The following EIF2B3 variants were observed in gnomAD, a reference collection of about 807,000 sequenced individuals.
EIF2B3 encodes translation initiation factor eIF2B subunit gamma.
In EIF2B3, 20 loss-of-function variants were observed where a neutral mutation model predicts 54.1. That is an observed-to-expected ratio of 0.37 (90% confidence interval 0.26 to 0.54). The LOEUF (loss-of-function observed/expected upper bound fraction) is 0.54, where lower values mean the gene tolerates loss of function less well. Among genes scored for constraint, EIF2B3 ranks in the 20% least tolerant of loss-of-function variants. The pLI is 0.86. For missense variants in EIF2B3, 448 were observed against 547.8 expected (o/e 0.82, Z 1.82); for synonymous variants, 153 against 188.1 (o/e 0.81, Z 1.52).
intron 6 of EIF2B3, among the ~76,000 whole-genome samples, chr1:44,896,788 C>T (rs1162678164): frequency 3.3e-5 from 5 of 152,204 alleles, no homozygotes; most frequent in Non-Finnish European, 7.3e-5. Flanking sequence ...CAGACACAAT[C>T]TCTGGAAACT....
At chr1:44,922,551 C>A (rs970288033) in intron 5 of EIF2B3, among the ~76,000 whole-genome samples, 18 of 140,278 alleles carry the variant, frequency 1.3e-4, no homozygotes, top group African/African-American at 4.6e-4. Flanking sequence ...CACACCACTG[C>A]ACTCTAGCCT....
At chr1:44,879,237 A>G (rs1472664714) in intron 8 of EIF2B3, among the ~76,000 whole-genome samples, 2 of 151,944 alleles carry the variant, frequency 1.3e-5, no homozygotes, top group Non-Finnish European at 2.9e-5. Flanking sequence ...GGCCTGGCTT[A>G]TCTTTGAGGA....
chr1:44,953,538 A>C (rs1644191648), intron 3 of EIF2B3, among the ~76,000 whole-genome samples: 1 of 152,194 alleles, frequency 6.6e-6, no homozygotes, highest in South Asian at 2.1e-4. Flanking sequence ...GCACTTTGGG[A>C]AGCTAAGGTG....
intron 11 of EIF2B3, among the ~76,000 whole-genome samples, chr1:44,857,466 G>A (rs991082540): frequency 2.6e-5 from 4 of 152,006 alleles, no homozygotes; most frequent in Admixed American, 2.6e-4. Context: ...GGGAGGCGGA[G>A]GTTTCAGTGA....
intron 6 of EIF2B3, among the ~76,000 whole-genome samples, chr1:44,891,366 T>A (rs1402749870): frequency 6.6e-6 from 1 of 152,104 alleles, no homozygotes; most frequent in Non-Finnish European, 1.5e-5. Flanking sequence ...CTCCAAGTAA[T>A]CCTTCCTGCT....
At chr1:44,986,144 T>TC (rs1644574286) in intron 1 of EIF2B3, among the ~76,000 whole-genome samples, 3 of 149,624 alleles carry the variant, frequency 2.0e-5, no homozygotes, top group Non-Finnish European at 3.0e-5. Context: ...TTTTCTTTTT[T>TC]TTTTTTTTTT....
intron 1 of EIF2B3, among the ~76,000 whole-genome samples, chr1:44,982,654 G>C (rs1644527320): frequency 6.6e-6 from 1 of 152,028 alleles, no homozygotes; most frequent in African/African-American, 2.4e-5. Context: ...GTCTGGAAGT[G>C]CAGTGGTAAG....
chr1:44,852,566 G>A (rs921063562), intron 11 of EIF2B3, among the ~76,000 whole-genome samples: 4 of 151,998 alleles, frequency 2.6e-5, no homozygotes, highest in African/African-American at 7.2e-5. Flanking sequence ...GATCACCTGA[G>A]GTCGGGAGTT....
chr1:44,859,469 C>A (rs375768744), intron 10 of EIF2B3, among the ~76,000 whole-genome samples: 13 of 151,984 alleles, frequency 8.6e-5, no homozygotes, highest in African/African-American at 2.7e-4. Flanking sequence ...CCAGCCATGG[C>A]CAACATGGTG....
At chr1:44,925,048 G>A (rs1643825074) in intron 5 of EIF2B3, 1 of 152,204 alleles carries the variant, frequency 6.6e-6, no homozygotes, top group African/African-American at 2.4e-5. Flanking sequence ...AAGTACTGGT[G>A]TGGAGAAACT....
intron 3 of EIF2B3, among the ~76,000 whole-genome samples, chr1:44,962,204 ACATCATCATCATCATCATCAT>A: frequency 6.8e-6 from 1 of 146,334 alleles, no homozygotes; most frequent in East Asian, 2.0e-4. Flanking sequence ...ATCATCATCA[ACATCATCATCATCATCATCAT>A]CATCATCATC....
chr1:44,972,657 C>CACA (rs200311560), intron 3 of EIF2B3: 2 of 149,928 alleles, frequency 1.3e-5, no homozygotes, highest in Admixed American at 6.6e-5. Flanking sequence ...CACACACACA[C>CACA]TGATTTTAAT....
chr1:44,910,353 T>C (rs918081903), intron 5 of EIF2B3, among the ~76,000 whole-genome samples: 3 of 152,184 alleles, frequency 2.0e-5, no homozygotes, highest in Non-Finnish European at 2.9e-5. Context: ...TCTCTGAACC[T>C]GAATTTTCAG....
intron 10 of EIF2B3, among the ~76,000 whole-genome samples, chr1:44,866,991 T>C (rs1654805393): frequency 1.3e-5 from 2 of 152,080 alleles, no homozygotes; most frequent in South Asian, 2.1e-4. Flanking sequence ...TAAAGGGAAG[T>C]AGGAATGTAA....
At chr1:44,873,541 T>TTAC (rs1490113352) in intron 10 of EIF2B3, among the ~76,000 whole-genome samples, 9 of 152,200 alleles carry the variant, frequency 5.9e-5, no homozygotes, top group Admixed American at 5.9e-4. Context: ...AAATTCTATT[T>TTAC]TGTAGCTGAT....
chr1:44,852,109 T>C (rs1654290423), intron 11 of EIF2B3, among the ~76,000 whole-genome samples: 1 of 149,358 alleles, frequency 6.7e-6, no homozygotes. Context: ...ACGCCACACA[T>C]GGCTAATTTT....
chr1:44,947,511 G>A (rs542646078), intron 3 of EIF2B3, among the ~76,000 whole-genome samples: 1 of 152,252 alleles, frequency 6.6e-6, no homozygotes, highest in South Asian at 2.1e-4. Flanking sequence ...CTGTAGTGGT[G>A]GGGCGGGAGG....
At chr1:44,983,688 T>C (rs1371950830) in intron 1 of EIF2B3, among the ~76,000 whole-genome samples, 1 of 134,086 alleles carries the variant, frequency 7.5e-6, no homozygotes, top group Non-Finnish European at 1.6e-5. Flanking sequence ...CCTGGCCAAC[T>C]TGGTGAAACT....
intron 3 of EIF2B3, among the ~76,000 whole-genome samples, chr1:44,977,765 TA>T (rs1301936136): frequency 6.6e-6 from 1 of 152,074 alleles, no homozygotes; most frequent in African/African-American, 2.4e-5. Context: ...TGGCCTAGAG[TA>T]TGTCTTTTTT....
Sources: allele counts gnomAD v4.1 joint callset (sites outside exome capture counted in the v4.1 genomes callset), GRCh38; gene constraint gnomAD v4.1.1; transcripts MANE v1.5; gene names NCBI Gene and HGNC (gene_info 2026-07-23, HGNC 2026-07-21).